The following MACROD2 variants were observed in gnomAD, a reference collection of about 807,000 sequenced individuals.
The protein encoded by MACROD2 is ADP-ribose glycohydrolase MACROD2.
A neutral mutation model predicts 70.4 loss-of-function variants in MACROD2; 36 were observed. That is an observed-to-expected ratio of 0.51 (90% CI 0.39 to 0.68). MACROD2 has a LOEUF of 0.68. Among genes scored for constraint, MACROD2 ranks in the 30% least tolerant of loss-of-function variants. MACROD2 has a pLI of 0.00. For synonymous variants in MACROD2, 172 were observed against 178.8 expected, an observed-to-expected ratio of 0.96 and a Z score of 0.30; for missense variants, 496 against 538.4, an observed-to-expected ratio of 0.92 and a Z score of 0.78.
At chr20:14,824,599 G>T (rs2072882034) in intron 5 of MACROD2, among the ~76,000 whole-genome samples, 1 of 152,036 alleles carries the variant, frequency 6.6e-6, no homozygotes, top group Non-Finnish European at 1.5e-5. Context: ...CTCTCCACAT[G>T]ACTAGGCTGA....
intron 3 of MACROD2, among the ~76,000 whole-genome samples, chr20:14,341,300 C>T (rs1217553294): frequency 6.6e-6 from 1 of 152,210 alleles, no homozygotes; most frequent in Non-Finnish European, 1.5e-5. Flanking sequence ...ATTTTCCTTT[C>T]CCTCAGCATT....
At chr20:15,049,979 A>G (rs1467968094) in intron 5 of MACROD2, among the ~76,000 whole-genome samples, 1 of 151,772 alleles carries the variant, frequency 6.6e-6, no homozygotes, top group East Asian at 1.9e-4. Flanking sequence ...ATATAGCTGC[A>G]TATTTTGGTC....
intron 6 of MACROD2, among the ~76,000 whole-genome samples, chr20:15,251,486 C>G (rs1030770085): frequency 2.0e-5 from 3 of 152,104 alleles, no homozygotes; most frequent in African/African-American, 7.2e-5. Context: ...AGCAAAAAGC[C>G]CATAAAACAA....
At chr20:15,151,689 A>C (rs2076271063) in intron 5 of MACROD2, among the ~76,000 whole-genome samples, 1 of 151,792 alleles carries the variant, frequency 6.6e-6, no homozygotes, top group South Asian at 2.1e-4. Context: ...GAGCCTAAAC[A>C]CTCTCTGATT....
At chr20:15,507,453 T>G (rs2047441574) in intron 8 of MACROD2, among the ~76,000 whole-genome samples, 1 of 151,666 alleles carries the variant, frequency 6.6e-6, no homozygotes, top group African/African-American at 2.4e-5. Flanking sequence ...TCTTTTTCTT[T>G]TTTATTTTCT....
At chr20:14,101,914 T>G (rs1377065446) in intron 3 of MACROD2, among the ~76,000 whole-genome samples, 2 of 151,888 alleles carry the variant, frequency 1.3e-5, no homozygotes, top group East Asian at 1.9e-4. Context: ...TTTTTCTTCT[T>G]GTTGACTGAG....
intron 5 of MACROD2, among the ~76,000 whole-genome samples, chr20:14,732,482 A>C (rs1010019125): frequency 6.6e-6 from 1 of 152,162 alleles, no homozygotes; most frequent in African/African-American, 2.4e-5. Context: ...GGGGAAAAAA[A>C]TCAATAGTGT....
At chr20:14,952,174 A>T (rs1179515501) in intron 5 of MACROD2, among the ~76,000 whole-genome samples, 1 of 152,142 alleles carries the variant, frequency 6.6e-6, no homozygotes, top group East Asian at 1.9e-4. Flanking sequence ...AATTTGCATG[A>T]TTTTGTAAAA....
chr20:14,912,556 C>A (rs1424501001), intron 5 of MACROD2, among the ~76,000 whole-genome samples: 1 of 152,002 alleles, frequency 6.6e-6, no homozygotes, highest in South Asian at 2.1e-4. Context: ...CAGTAAGAGA[C>A]CAATAAAGAA....
Position 15,725,881 on chromosome 20 carries a change from C to T in MACROD2, c.646-136864C>T, listed in dbSNP as rs190335270. 1.1e-4 allele frequency among the ~76,000 whole-genome samples: 17 copies of T among 151,864 alleles called. No homozygotes were observed. The East Asian group carries it at 3.3e-3, about 29-fold the overall frequency. ...TAACTTTTATTTTAAGTTGCAGGAACATCTGCGGGTTTGTTATATAGGTAA... is the reference window on the plus strand; with the variant it reads ...TAACTTTTATTTTAAGTTGCAGGAATATCTGCGGGTTTGTTATATAGGTAA... On this transcript the variant is annotated intron_variant, in intron 8 of 17. Coordinates refer to ENST00000684519, the MANE Select transcript of MACROD2 (RefSeq NM_001351661.2).
chr20:15,912,815 A>G (rs2065256443), intron 10 of MACROD2, among the ~76,000 whole-genome samples: 1 of 152,244 alleles, frequency 6.6e-6, no homozygotes, highest in Non-Finnish European at 1.5e-5. Flanking sequence ...CAGAAACTTA[A>G]TTAAATTTTA....
chr20:14,142,127 T>G (rs1329333285), intron 3 of MACROD2, among the ~76,000 whole-genome samples: 3 of 152,210 alleles, frequency 2.0e-5, no homozygotes, highest in African/African-American at 7.2e-5. Context: ...AGCATTTATA[T>G]TATATAAAAT....
chr20:15,576,633 G>C (rs554370243), intron 8 of MACROD2, among the ~76,000 whole-genome samples: 2 of 150,332 alleles, frequency 1.3e-5, no homozygotes, highest in South Asian at 4.2e-4. Context: ...GGCTCACTCT[G>C]AATCTTCCAC....
At chr20:14,647,548 G>GT (rs1354990028) in intron 4 of MACROD2, among the ~76,000 whole-genome samples, 1 of 151,868 alleles carries the variant, frequency 6.6e-6, no homozygotes, top group East Asian at 1.9e-4. Context: ...TTGTGCCCCA[G>GT]TTTTTTTTCA....
At chr20:14,883,737 A>G (rs2073637845) in intron 5 of MACROD2, among the ~76,000 whole-genome samples, 1 of 152,170 alleles carries the variant, frequency 6.6e-6, no homozygotes, top group African/African-American at 2.4e-5. Context: ...CCAACTTAAT[A>G]TAGGGACAAT....
At chr20:15,719,317 G>C (rs2050751410) in intron 8 of MACROD2, among the ~76,000 whole-genome samples, 1 of 152,214 alleles carries the variant, frequency 6.6e-6, no homozygotes, top group Non-Finnish European at 1.5e-5. Flanking sequence ...CCGACTCTAA[G>C]AAGGTACTGC....
At chr20:15,610,602 G>C (rs1158854218) in intron 8 of MACROD2, among the ~76,000 whole-genome samples, 1 of 152,082 alleles carries the variant, frequency 6.6e-6, no homozygotes, top group Non-Finnish European at 1.5e-5. Context: ...ATCTGCAAAG[G>C]CCCTTTTTCC....
intron 4 of MACROD2, among the ~76,000 whole-genome samples, chr20:14,519,580 G>T (rs533697508): frequency 8.3e-4 from 126 of 152,270 alleles, no homozygotes; most frequent in Admixed American, 3.3e-4. Flanking sequence ...TGCTGGTGAG[G>T]TTGCTGAGAA....
chr20:14,632,405 A>G (rs1431917054), intron 4 of MACROD2, among the ~76,000 whole-genome samples: 1 of 152,164 alleles, frequency 6.6e-6, no homozygotes, highest in Non-Finnish European at 1.5e-5. Flanking sequence ...AAATTTGTAA[A>G]ATATGGTAGA....
Sources: allele counts gnomAD v4.1 joint callset (sites outside exome capture counted in the v4.1 genomes callset), GRCh38; gene constraint gnomAD v4.1.1; transcripts MANE v1.5; gene names NCBI Gene and HGNC (gene_info 2026-07-23, HGNC 2026-07-21).